UBE2E2: variants seen among roughly 807,000 people sequenced by gnomAD.
The protein encoded by UBE2E2 is ubiquitin-conjugating enzyme E2 E2.
Under a neutral mutation model 24.7 loss-of-function variants are expected in UBE2E2, and 6 were observed. The ratio of observed to expected loss-of-function variants is 0.24; its 90% CI spans 0.13 to 0.48. The LOEUF (loss-of-function observed/expected upper bound fraction) is 0.48, where lower values mean the gene tolerates loss of function less well. UBE2E2 is among the 20% of genes least tolerant of loss of function. The pLI is 0.99. For missense variants in UBE2E2, 169 were observed against 245.0 expected (o/e 0.69, Z 2.07); for synonymous variants, 104 against 83.6 (o/e 1.24, Z -1.33).
intron 5 of UBE2E2, among the ~76,000 whole-genome samples, chr3:23,560,057 T>C (rs1050715157): frequency 5.3e-5 from 8 of 152,122 alleles, no homozygotes; most frequent in South Asian, 2.1e-4. Context: ...TTTATATATG[T>C]ATATATGTAT....
chr3:23,487,269 G>A (rs1184002828), intron 3 of UBE2E2, among the ~76,000 whole-genome samples: 1 of 152,348 alleles, frequency 6.6e-6, no homozygotes, highest in African/African-American at 2.4e-5. Context: ...CCAGGGAGTA[G>A]GAGCAGGCAC....
In UBE2E2 at chr3:23,270,982, C is replaced by G. The variant is rs143231940; in HGVS notation, c.227+53670C>G. 27 of 456,760 alleles carry G rather than the reference C, an allele frequency of 5.9e-5. 1 individual carries two copies. The highest frequency in any genetic ancestry group is 6.5e-4 in the Middle Eastern group (2 of 3,076). 28.3% of individuals were successfully genotyped at this position (456,760 alleles called of 1,614,324 possible). ...CTGATTCGATCTGCTTGCATCTCTTCTAACTTGTGAGTGACTTGGAAGGAG... is the reference window on the plus strand; with the variant it reads ...CTGATTCGATCTGCTTGCATCTCTTGTAACTTGTGAGTGACTTGGAAGGAG... On this transcript the variant is annotated intron_variant, in intron 3 of 5. Transcript: ENST00000396703.
chr3:23,383,293 A>G (rs1696721013), intron 3 of UBE2E2, among the ~76,000 whole-genome samples: 1 of 152,096 alleles, frequency 6.6e-6, no homozygotes, highest in African/African-American at 2.4e-5. Context: ...AGACTGATGT[A>G]GAAATGTTCA....
chr3:23,365,510 A>G lies in UBE2E2; in HGVS notation c.228-134098A>G, dbSNP rs574637818. Among the ~76,000 whole-genome samples the G allele has an allele frequency of 3.3e-5, 5 of 152,308 alleles. No individual in the cohort carries two copies. The East Asian group carries it at 9.6e-4, about 29-fold the overall frequency. ...AGAGCCAAATCAAGAACACAATCGC[A>G]TTCACAATAGCTACAAAAAGAATAA... is the stretch of plus-strand genomic sequence containing the variant. On this transcript the variant is annotated intron_variant, in intron 3 of 5. Coordinates refer to ENST00000396703, the MANE Select transcript of UBE2E2 (RefSeq NM_152653.4).
chr3:23,514,158 A>T (rs1210047687), intron 4 of UBE2E2, among the ~76,000 whole-genome samples: 2 of 152,156 alleles, frequency 1.3e-5, no homozygotes, highest in African/African-American at 4.8e-5. Flanking sequence ...AACATGTTTG[A>T]TCCAGTTCTT....
chr3:23,343,131 A>G (rs1019205063), intron 3 of UBE2E2, among the ~76,000 whole-genome samples: 7 of 152,110 alleles, frequency 4.6e-5, no homozygotes, highest in Admixed American at 1.3e-4. Flanking sequence ...TACATATACA[A>G]ACTACATTTT....
At chr3:23,311,821 G>T (rs1203584052) in intron 3 of UBE2E2, among the ~76,000 whole-genome samples, 9 of 152,144 alleles carry the variant, frequency 5.9e-5, no homozygotes, top group Non-Finnish European at 1.3e-4. Flanking sequence ...TACACATCAA[G>T]GTAAATGTGG....
chr3:23,396,433 C>A (rs1014835172), intron 3 of UBE2E2, among the ~76,000 whole-genome samples: 5 of 150,634 alleles, frequency 3.3e-5, no homozygotes, highest in Non-Finnish European at 7.4e-5. Context: ...CTGTATACGT[C>A]GTATACATAC....
intron 3 of UBE2E2, among the ~76,000 whole-genome samples, chr3:23,488,383 C>A (rs944228562): frequency 1.3e-5 from 2 of 151,992 alleles, no homozygotes; most frequent in Non-Finnish European, 2.9e-5. Flanking sequence ...GCCGACAGGC[C>A]CCGATGTGTG....
chr3:23,586,983 C>G lies in UBE2E2; in HGVS notation c.509-2751C>G, dbSNP rs996291480. On this transcript the variant is annotated intron_variant, in intron 5 of 5. Transcript: ENST00000396703. ...ACGATGTTAACAGCAGTTTTCTTTG[C>G]GTGGATTTATACACGAGATGGTCTT... Among the ~76,000 whole-genome samples, 3 of 150,962 alleles carry G rather than the reference C, an allele frequency of 2.0e-5. No individual in the cohort carries two copies. The East Asian group carries it at 5.8e-4, about 29-fold the overall frequency.
At chr3:23,363,937 A>G (rs1696193727) in intron 3 of UBE2E2, among the ~76,000 whole-genome samples, 1 of 152,232 alleles carries the variant, frequency 6.6e-6, no homozygotes, top group Non-Finnish European at 1.5e-5. Flanking sequence ...AAAACTTACC[A>G]AACACACTCT....
chr3:23,450,851 A>G (rs896521463), intron 3 of UBE2E2, among the ~76,000 whole-genome samples: 2 of 152,210 alleles, frequency 1.3e-5, no homozygotes, highest in African/African-American at 4.8e-5. Context: ...AAAACAATAA[A>G]TTTAGCACTT....
intron 3 of UBE2E2, among the ~76,000 whole-genome samples, chr3:23,400,607 A>ACACACACACAC (rs10662177): frequency 1.5e-5 from 2 of 137,726 alleles, no homozygotes; most frequent in African/African-American, 5.1e-5. Context: ...GAATAAATGA[A>ACACACACACAC]ACACACACAC....
At chr3:23,368,015 A>G (rs113237927) in intron 3 of UBE2E2, among the ~76,000 whole-genome samples, 1 of 152,084 alleles carries the variant, frequency 6.6e-6, no homozygotes, top group Non-Finnish European at 1.5e-5. Context: ...TGGTCGATAC[A>G]CATATAGATA....
rs984036923 is a variant in UBE2E2 at position 23,529,195 on chromosome 3, A to G, written c.361-3359A>G. On this transcript the variant is annotated intron_variant, in intron 4 of 5. Transcript: ENST00000396703. ...CAGGGTACCATGAAGAATGTTTGTGATAGAGTTGTTTGTGTGTTGACTGGT... is the reference window on the plus strand; with the variant it reads ...CAGGGTACCATGAAGAATGTTTGTGGTAGAGTTGTTTGTGTGTTGACTGGT... 2.6e-5 allele frequency among the ~76,000 whole-genome samples: 4 copies of G among 152,206 alleles called. No individual in the cohort carries two copies. The South Asian group carries it at 8.3e-4, about 31-fold the overall frequency.
At chr3:23,406,419 A>G (rs1301927256) in intron 3 of UBE2E2, among the ~76,000 whole-genome samples, 1 of 152,226 alleles carries the variant, frequency 6.6e-6, no homozygotes, top group Non-Finnish European at 1.5e-5. Context: ...CCAGTCTGTA[A>G]AATCGCAAGA....
intron 3 of UBE2E2, among the ~76,000 whole-genome samples, chr3:23,475,742 C>T (rs1387305394): frequency 3.3e-5 from 5 of 152,108 alleles, no homozygotes; most frequent in East Asian, 1.9e-4. Context: ...CTGCCCAGAC[C>T]GGGGCTTTTA....
intron 2 of UBE2E2, among the ~76,000 whole-genome samples, chr3:23,211,589 T>C (rs1002555851): frequency 6.6e-6 from 1 of 151,842 alleles, no homozygotes; most frequent in African/African-American, 2.4e-5. Context: ...GGGATGGGAG[T>C]CTCACTATGT....
chr3:23,356,426 G>T lies in UBE2E2; in HGVS notation c.227+139114G>T, dbSNP rs972097274. Among the ~76,000 whole-genome samples the T allele has an allele frequency of 2.6e-5, 4 of 152,174 alleles. No individual in the cohort carries two copies. The South Asian group carries it at 6.2e-4, about 24-fold the overall frequency. ...TAGGTAAGTGAAAGAATCATGTGAG[G>T]TTAGGACTAAGGCTTCATCCTGATG... On this transcript the variant is annotated intron_variant, in intron 3 of 5. Transcript: ENST00000396703.
Sources: allele counts gnomAD v4.1 joint callset (sites outside exome capture counted in the v4.1 genomes callset), GRCh38; gene constraint gnomAD v4.1.1; transcripts MANE v1.5; gene names NCBI Gene and HGNC (gene_info 2026-07-23, HGNC 2026-07-21).